TMEM221: variants seen among roughly 807,000 people sequenced by gnomAD.
The protein encoded by TMEM221 is transmembrane protein 221, also known as Putative transmembrane protein ENSP00000342162.
Under a neutral mutation model 10.2 loss-of-function variants are expected in TMEM221, and 11 were observed. That is an observed-to-expected ratio of 1.08 (90% CI 0.68 to 1.79). The LOEUF (loss-of-function observed/expected upper bound fraction) is 1.79, where lower values mean the gene tolerates loss of function less well. Ranked by LOEUF, TMEM221 falls within the 40% of genes most tolerant of loss-of-function variation. TMEM221 has a pLI of 0.00. For missense variants in TMEM221, 382 were observed against 417.7 expected, an observed-to-expected ratio of 0.91 and a Z score of 0.75; for synonymous variants, 172 against 199.8, an observed-to-expected ratio of 0.86 and a Z score of 1.18.
rs1235862121 is a variant in TMEM221, at chr19:17,448,628, G to T, written c.-166C>A. The T allele has an allele frequency of 2.4e-6, 1 of 412,588 alleles. No homozygotes were observed. Among genetic ancestry groups the T allele is most frequent in the Non-Finnish European group, 4.1e-6 (1 of 242,238 alleles). The allele number at this position is 412,588 out of a possible 1,614,324, so 25.6% of individuals were successfully genotyped here. On this transcript the variant is annotated 5_prime_UTR_variant, in exon 1 of 3. Coordinates refer to ENST00000341130, the MANE Select transcript of TMEM221 (RefSeq NM_001190844.2). This position sits in a 1 kb window ranked among gnomAD's most constrained non-coding sequence, Gnocchi z 4.7. The stretch of plus-strand genomic sequence containing the variant: ...TGGGCTGGGGGTCGCCAGACGGACG[G>T]GGGCTCCGGGGTGCTGGTCGCAGCC...
intron 1 of TMEM221, among the ~76,000 whole-genome samples, chr19:17,445,959 C>G (rs2074951803): frequency 6.6e-6 from 1 of 152,108 alleles, no homozygotes; most frequent in Non-Finnish European, 1.5e-5. Context: ...TATCTATGCT[C>G]CATCCATCCA....
At chr19:17,438,300 C>G (rs1457910096) in intron 2 of TMEM221, among the ~76,000 whole-genome samples, 1 of 152,100 alleles carries the variant, frequency 6.6e-6, no homozygotes, top group African/African-American at 2.4e-5. Context: ...GTTGGCCAGG[C>G]TGGTCTTGAA....
At chr19:17,442,692 C>T (rs1235435236) in intron 2 of TMEM221, among the ~76,000 whole-genome samples, 7 of 151,726 alleles carry the variant, frequency 4.6e-5, no homozygotes, top group Non-Finnish European at 2.9e-5. Context: ...CTCGCCTCGG[C>T]CTCCCAAAGT....
In TMEM221 at chr19:17,436,892, C is replaced by T. The variant is rs200775817; in HGVS notation, c.442G>A (p.Glu148Lys). The T allele has an allele frequency of 1.2e-4, 165 of 1,432,478 alleles. No homozygotes were observed. The highest frequency in any genetic ancestry group is 3.6e-4 in the Admixed American group (13 of 35,704). The allele number at this position is 1,432,478 out of a possible 1,614,324, so 88.7% of individuals were successfully genotyped here. A position where few individuals can be genotyped will look rare whatever the true frequency, so the allele number is the denominator to read the frequency against. ...ATGGAAGCAGCTGCTGCGCCTGTCT[C>T]GATCTCGAAAAGTAGCAAGGCATAG... ...SIYALLLFEI[E>K]TGAAAASILG... The change falls in exon 3 of 3, where the codon GAG becomes AAG. Residue 148 changes from glutamate to lysine, a missense_variant. Coordinates refer to ENST00000341130, the MANE Select transcript of TMEM221 (RefSeq NM_001190844.2).
In TMEM221 at chr19:17,448,193, C is replaced by A. The variant is rs1326280610; in HGVS notation, c.270G>T (p.Ala90=). 5 of 1,435,680 alleles carry A rather than the reference C, an allele frequency of 3.5e-6. No homozygotes were observed. Among genetic ancestry groups the A allele is most frequent in the Non-Finnish European group, 3.6e-6 (4 of 1,097,184 alleles). The allele number at this position is 1,435,680 out of a possible 1,614,324, so 88.9% of individuals were successfully genotyped here. A position where few individuals can be genotyped will look rare whatever the true frequency, so the allele number is the denominator to read the frequency against. The change falls in exon 1 of 3, where the codon GCG becomes GCT. Residue 90 remains alanine (A), a synonymous_variant. Coordinates refer to ENST00000341130, the MANE Select transcript of TMEM221 (RefSeq NM_001190844.2). This position sits in a 1 kb window ranked among gnomAD's most constrained non-coding sequence, Gnocchi z 4.7. The stretch of plus-strand genomic sequence containing the variant: ...GCTCGGCGCCCAGGTGGCCACAGAG[C>A]GCGGCGAGCAGCAAGCAGGTGAACC... ...VLGFTCLLLA[A]LCGHLGAELA... is the part of the protein sequence containing the mutation.
chr19:17,435,888 C>T lies in TMEM221; in HGVS notation c.*570G>A, dbSNP rs1016659892. The T allele has an allele frequency of 1.1e-4, 17 of 152,320 alleles. No individual in the cohort carries two copies. The highest frequency in any genetic ancestry group is 3.6e-4 in the African/African-American group (15 of 41,430). 9.4% of individuals were successfully genotyped at this position (152,320 alleles called of 1,614,324 possible). Reference sequence around the variant, plus strand: ...ACATGGATTTGAAATGTTCACAGCCCGAGGGGGTGCAGTGGATTTTGCAGA... The same window carrying T: ...ACATGGATTTGAAATGTTCACAGCCTGAGGGGGTGCAGTGGATTTTGCAGA... On this transcript the variant is annotated 3_prime_UTR_variant, in exon 3 of 3. Coordinates refer to ENST00000341130, the MANE Select transcript of TMEM221 (RefSeq NM_001190844.2).
In TMEM221 at chr19:17,442,447, T is replaced by C. The variant is rs1371075838; in HGVS notation, c.406+2752A>G. On this transcript the variant is annotated intron_variant, in intron 2 of 2. Transcript: ENST00000341130. ...CTAATTTCTTTCTTTTCTTTCTTTT[T>C]TTTTTTTTTTTAGATGGCATCTCAC... 3.3e-5 allele frequency among the ~76,000 whole-genome samples: 5 copies of C among 150,216 alleles called. No homozygotes were observed. In the South Asian group the frequency reaches 6.3e-4, roughly 19 times the overall value.
Position 17,436,454 on chromosome 19 carries a change from G to C in TMEM221, c.*4C>G. ...CACCAGGTCTCTATTCCTCATCCCTGGGCTCACACCAGTGTGGAGTCCTTC... is the reference window on the plus strand; with the variant it reads ...CACCAGGTCTCTATTCCTCATCCCTCGGCTCACACCAGTGTGGAGTCCTTC... On this transcript the variant is annotated 3_prime_UTR_variant, in exon 3 of 3. Coordinates refer to ENST00000341130, the MANE Select transcript of TMEM221 (RefSeq NM_001190844.2). 1 of 1,501,062 alleles carries C rather than the reference G, an allele frequency of 6.7e-7. No individual in the cohort carries two copies. Among genetic ancestry groups the C allele is most frequent in the Non-Finnish European group, 8.9e-7 (1 of 1,123,428 alleles). The allele number at this position is 1,501,062 out of a possible 1,614,324, so 93.0% of individuals were successfully genotyped here. A position where few individuals can be genotyped will look rare whatever the true frequency, so the allele number is the denominator to read the frequency against.
At chr19:17,447,735 G>C (rs1239324109) in intron 1 of TMEM221, among the ~76,000 whole-genome samples, 1 of 152,094 alleles carries the variant, frequency 6.6e-6, no homozygotes, top group Non-Finnish European at 1.5e-5. Flanking sequence ...CTCAATTTCA[G>C]ACCAGGACAC....
rs993587662 is a variant in TMEM221, at chr19:17,435,634, C to A, written c.*824G>T. Reference sequence around the variant, plus strand: ...CCCAAAAGCAGCAGCAGCATGAGAACGATTAACACACATTGAGGACCTATT... The same window carrying A: ...CCCAAAAGCAGCAGCAGCATGAGAAAGATTAACACACATTGAGGACCTATT... On this transcript the variant is annotated 3_prime_UTR_variant, in exon 3 of 3. Transcript: ENST00000341130. The A allele has an allele frequency of 6.6e-6, 1 of 152,376 alleles. No individual in the cohort carries two copies. Among genetic ancestry groups the A allele is most frequent in the Non-Finnish European group, 1.5e-5 (1 of 68,092 alleles). The allele number at this position is 152,376 out of a possible 1,614,324, so 9.4% of individuals were successfully genotyped here. A position where few individuals can be genotyped will look rare whatever the true frequency, so the allele number is the denominator to read the frequency against.
At chr19:17,444,706 A>G (rs1355986923) in intron 2 of TMEM221, 2 of 137,298 alleles carry the variant, frequency 1.5e-5, no homozygotes, top group Non-Finnish European at 3.2e-5. Flanking sequence ...ATATAGATAT[A>G]TAATATATAA....
intron 2 of TMEM221, among the ~76,000 whole-genome samples, chr19:17,438,142 A>G (rs112953103): frequency 0.31 from 45,614 of 147,626 alleles, 7,964 homozygotes; most frequent in Middle Eastern, 0.43. Flanking sequence ...AGGCTGGAGC[A>G]CAGTGGTGTG....
rs1432607216 is a variant in TMEM221, at chr19:17,448,345, C to T, written c.118G>A (p.Glu40Lys). The change falls in exon 1 of 3, where the codon GAG becomes AAG. Residue 40 changes from glutamate to lysine, a missense_variant. Transcript: ENST00000341130. This position sits in a 1 kb window ranked among gnomAD's most constrained non-coding sequence, Gnocchi z 4.7. ...LLFQLQAGRA[E>K]LRGLRAEGLG... ...CCCTCGGCGCGCAGCCCCCGCAGCT[C>T]GGCGCGGCCCGCCTGCAGCTGAAAC... is the stretch of plus-strand genomic sequence containing the variant. 1.3e-5 allele frequency: 18 copies of T among 1,337,292 alleles called. No individual in the cohort carries two copies. In the African/African-American group the frequency reaches 2.6e-4, roughly 19 times the overall value. The allele number at this position is 1,337,292 out of a possible 1,614,324, so 82.8% of individuals were successfully genotyped here.
chr19:17,442,370 G>A (rs1215567061), intron 2 of TMEM221, among the ~76,000 whole-genome samples: 1 of 151,390 alleles, frequency 6.6e-6, no homozygotes, highest in African/African-American at 2.4e-5. Flanking sequence ...CGATCCTCCT[G>A]CCTTCAGCCT....
At chr19:17,438,297 A>G (rs2074917900) in intron 2 of TMEM221, among the ~76,000 whole-genome samples, 1 of 152,122 alleles carries the variant, frequency 6.6e-6, no homozygotes, top group South Asian at 2.1e-4. Context: ...TATGTTGGCC[A>G]GGCTGGTCTT....
intron 2 of TMEM221, among the ~76,000 whole-genome samples, chr19:17,440,469 C>T (rs559286706): frequency 6.6e-6 from 1 of 152,230 alleles, no homozygotes; most frequent in South Asian, 2.1e-4. Flanking sequence ...TCGTGATCTG[C>T]CCGCCTCGGT....
At chr19:17,443,109 G>A (rs141168684) in intron 2 of TMEM221, among the ~76,000 whole-genome samples, 12,054 of 151,250 alleles carry the variant, frequency 0.08, 1,495 homozygotes, top group African/African-American at 0.26. Flanking sequence ...GTGAAACCCC[G>A]TCTCTACTAA....
intron 2 of TMEM221, among the ~76,000 whole-genome samples, chr19:17,441,084 T>C (rs998023326): frequency 1.3e-5 from 2 of 151,952 alleles, no homozygotes; most frequent in African/African-American, 4.8e-5. Flanking sequence ...GGTGGGCTCC[T>C]GTAATCCCAG....
chr19:17,439,389 C>T (rs934650174), intron 2 of TMEM221, among the ~76,000 whole-genome samples: 1 of 151,558 alleles, frequency 6.6e-6, no homozygotes, highest in Non-Finnish European at 1.5e-5. Flanking sequence ...CTGAAATGTC[C>T]AGAACAGGCA....
Sources: allele counts gnomAD v4.1 joint callset (sites outside exome capture counted in the v4.1 genomes callset), GRCh38; gene constraint gnomAD v4.1.1; non-coding constraint Gnocchi (gnomAD v3.1); transcripts MANE v1.5; gene names NCBI Gene and HGNC (gene_info 2026-07-23, HGNC 2026-07-21).